Variants in PELI2 observed in about 807,000 individuals in gnomAD.
PELI2 encodes pellino E3 ubiquitin protein ligase family member 2.
Under a neutral mutation model 42.3 loss-of-function variants are expected in PELI2, and 23 were observed. That is an observed-to-expected ratio of 0.54 (90% CI 0.39 to 0.77). PELI2 has a LOEUF of 0.77. PELI2 is among the 30% of genes least tolerant of loss of function. PELI2 has a pLI of 0.00. For synonymous variants in PELI2, 245 were observed against 212.2 expected, an observed-to-expected ratio of 1.15 and a Z score of -1.34; for missense variants, 463 against 553.2, an observed-to-expected ratio of 0.84 and a Z score of 1.64.
intron 1 of PELI2, among the ~76,000 whole-genome samples, chr14:56,142,225 A>C (rs893546904): frequency 6.6e-6 from 1 of 152,228 alleles, no homozygotes; most frequent in Non-Finnish European, 1.5e-5. Context: ...AATCTGTTGG[A>C]TAGAATCAAG....
intron 2 of PELI2, among the ~76,000 whole-genome samples, chr14:56,198,910 T>A (rs531455196): frequency 1.3e-5 from 2 of 152,348 alleles, no homozygotes; most frequent in East Asian, 3.9e-4. Context: ...AAGTGAATAA[T>A]GTTCACTTTA....
intron 1 of PELI2, among the ~76,000 whole-genome samples, chr14:56,122,599 T>TC: frequency 2.1e-5 from 1 of 47,028 alleles, no homozygotes; most frequent in African/African-American, 4.8e-5. Flanking sequence ...TTTGCAAGAC[T>TC]TTTTTTTTTT....
chr14:56,269,600 G>A (rs1482166687), intron 2 of PELI2, among the ~76,000 whole-genome samples: 2 of 152,164 alleles, frequency 1.3e-5, no homozygotes, highest in Non-Finnish European at 2.9e-5. Flanking sequence ...TTCTTAGACA[G>A]CAGTGACCTT....
chr14:56,231,499 T>G (rs572927084), intron 2 of PELI2, among the ~76,000 whole-genome samples: 102 of 152,330 alleles, frequency 6.7e-4, no homozygotes, highest in African/African-American at 2.4e-3. Flanking sequence ...AACCTGCTCC[T>G]GAATGACTAC....
intron 2 of PELI2, among the ~76,000 whole-genome samples, chr14:56,183,553 T>G (rs928316485): frequency 2.0e-5 from 3 of 152,184 alleles, no homozygotes. Context: ...AGCATGGAAG[T>G]TTGGGTTTAT....
intron 1 of PELI2, among the ~76,000 whole-genome samples, chr14:56,175,137 A>G (rs1214321430): frequency 6.6e-6 from 1 of 152,124 alleles, no homozygotes. Flanking sequence ...CCGTGACTAC[A>G]GGTGCATGCC....
rs76453140 is a variant in PELI2 at position 56,236,172 on chromosome 14, T to G, written c.208-43504T>G. Among the ~76,000 whole-genome samples, 87 of 152,380 alleles carry G rather than the reference T, an allele frequency of 5.7e-4. 1 individual carries two copies. The highest frequency in any genetic ancestry group is 2.0e-3 in the African/African-American group (83 of 41,586). ...TTTTTAATTTCTAAATTGACCACTT[T>G]TAATTACTCTAGTATGTTTCAAAGT... On this transcript the variant is annotated intron_variant, in intron 2 of 5. Transcript: ENST00000267460.
chr14:56,261,056 G>C (rs549262322), intron 2 of PELI2, among the ~76,000 whole-genome samples: 2 of 150,532 alleles, frequency 1.3e-5, no homozygotes, highest in Non-Finnish European at 3.0e-5. Flanking sequence ...TTTCTTAAAT[G>C]TTCTGGCTGC....
At chr14:56,270,104 G>A (rs1055237238) in intron 2 of PELI2, among the ~76,000 whole-genome samples, 3 of 152,200 alleles carry the variant, frequency 2.0e-5, no homozygotes, top group Admixed American at 6.5e-5. Flanking sequence ...CATAGATTCT[G>A]TACCAGGGTT....
chr14:56,299,458 C>T lies in PELI2; in HGVS notation c.*2292C>T, dbSNP rs1016619312. The T allele has an allele frequency of 3.3e-5, 5 of 152,184 alleles. No homozygotes were observed. The highest frequency in any genetic ancestry group is 1.2e-4 in the African/African-American group (5 of 41,456). 9.4% of individuals were successfully genotyped at this position (152,184 alleles called of 1,614,324 possible). On this transcript the variant is annotated 3_prime_UTR_variant, in exon 6 of 6. Transcript: ENST00000267460. Reference sequence around the variant, plus strand: ...GAAGGGGTAACAGTGAACCGCCCTCCATGGGCTCCACATCTTTTCCTTTGG... The same window carrying T: ...GAAGGGGTAACAGTGAACCGCCCTCTATGGGCTCCACATCTTTTCCTTTGG...
intron 2 of PELI2, among the ~76,000 whole-genome samples, chr14:56,179,928 A>G (rs1283741239): frequency 6.6e-6 from 1 of 152,190 alleles, no homozygotes; most frequent in Non-Finnish European, 1.5e-5. Flanking sequence ...TAAAAAATGT[A>G]TAGAAATATT....
intron 1 of PELI2, among the ~76,000 whole-genome samples, chr14:56,126,580 A>G (rs1883275326): frequency 6.6e-6 from 1 of 152,202 alleles, no homozygotes; most frequent in East Asian, 1.9e-4. Flanking sequence ...TATTGGTATA[A>G]AACGGCTGAT....
chr14:56,287,707 T>G (rs538514104), intron 3 of PELI2, among the ~76,000 whole-genome samples: 7 of 152,304 alleles, frequency 4.6e-5, no homozygotes, highest in South Asian at 2.1e-4. Context: ...TTTAGAGAGA[T>G]AGTCTGTGCA....
At position 56,188,084 on chromosome 14, in the gene PELI2, A is replaced by G. The variant is rs575267487; in HGVS notation, c.207+9620A>G. 3.3e-5 allele frequency among the ~76,000 whole-genome samples: 5 copies of G among 152,324 alleles called. No individual in the cohort carries two copies. The South Asian group carries it at 8.3e-4, about 25-fold the overall frequency. On this transcript the variant is annotated intron_variant, in intron 2 of 5. Transcript: ENST00000267460. ...GACGTCTCCCCTCACTCCCAGCCTC[A>G]GTGAGAAGTCTTTCTGTGAACTCCT...
At chr14:56,246,574 T>A (rs1308350316) in intron 2 of PELI2, among the ~76,000 whole-genome samples, 2 of 152,186 alleles carry the variant, frequency 1.3e-5, no homozygotes, top group Non-Finnish European at 2.9e-5. Context: ...TTAGAGTGAT[T>A]TTTTTGTGTT....
chr14:56,281,255 A>G (rs527839799), intron 3 of PELI2, among the ~76,000 whole-genome samples: 1 of 152,278 alleles, frequency 6.6e-6, no homozygotes, highest in South Asian at 2.1e-4. Context: ...GTAAAAAACT[A>G]AAAATAAACC....
intron 1 of PELI2, among the ~76,000 whole-genome samples, chr14:56,150,531 T>C (rs1884309686): frequency 2.0e-5 from 3 of 152,186 alleles, no homozygotes; most frequent in African/African-American, 7.2e-5. Flanking sequence ...ATTTATTTAT[T>C]AATGAGTTTT....
At chr14:56,230,601 C>T (rs1399096935) in intron 2 of PELI2, among the ~76,000 whole-genome samples, 3 of 152,136 alleles carry the variant, frequency 2.0e-5, no homozygotes, top group Non-Finnish European at 4.4e-5. Context: ...CTGAAGGAAG[C>T]ACTAAACATG....
At chr14:56,282,642 G>A (rs931499307) in intron 3 of PELI2, among the ~76,000 whole-genome samples, 6 of 151,968 alleles carry the variant, frequency 3.9e-5, no homozygotes, top group African/African-American at 1.4e-4. Flanking sequence ...AGTTATTAAA[G>A]TGCCAGTTTG....
Sources: gnomAD v4.1 joint callset for allele counts (sites outside exome capture counted in the v4.1 genomes callset) on GRCh38, gnomAD v4.1.1 for gene constraint, MANE v1.5 for transcripts, NCBI Gene and HGNC (gene_info 2026-07-23, HGNC 2026-07-21) for gene names.